RSRC1: variants seen among roughly 807,000 people sequenced by gnomAD.
The protein encoded by RSRC1 is arginine and serine rich coiled-coil 1, also known as serine/Arginine-related protein 53.
Under a neutral mutation model 49.1 loss-of-function variants are expected in RSRC1, and 39 were observed. That is an observed-to-expected ratio of 0.79 (90% CI 0.61 to 1.04). The LOEUF (loss-of-function observed/expected upper bound fraction) is 1.04, where lower values mean the gene tolerates loss of function less well. RSRC1 is among the 50% of genes least tolerant of loss of function. RSRC1 has a pLI of 0.00. For missense variants in RSRC1, 388 were observed against 402.4 expected (o/e 0.96, Z 0.31); for synonymous variants, 143 against 130.8 (o/e 1.09, Z -0.63).
At chr3:158,161,498 A>T (rs1449736692) in intron 3 of RSRC1, among the ~76,000 whole-genome samples, 1 of 152,208 alleles carries the variant, frequency 6.6e-6, no homozygotes. Context: ...GCTGTGGCTC[A>T]CGCCTGTAAT....
intron 4 of RSRC1, among the ~76,000 whole-genome samples, chr3:158,294,157 G>A (rs1169993379): frequency 6.6e-6 from 1 of 151,696 alleles, no homozygotes. Flanking sequence ...TTATATAGAT[G>A]TTAACACTTC....
At chr3:158,215,312 T>C (rs957556504) in intron 4 of RSRC1, among the ~76,000 whole-genome samples, 1 of 151,340 alleles carries the variant, frequency 6.6e-6, no homozygotes, top group Admixed American at 6.6e-5. Flanking sequence ...TTTTTTTTTT[T>C]TTTGGGTAAA....
chr3:158,428,953 C>T (rs1037570518), intron 6 of RSRC1, among the ~76,000 whole-genome samples: 1 of 151,818 alleles, frequency 6.6e-6, no homozygotes, highest in Non-Finnish European at 1.5e-5. Flanking sequence ...GGTCGAAAGG[C>T]AGGTGCACTA....
chr3:158,198,029 C>G (rs1720750096), intron 3 of RSRC1, among the ~76,000 whole-genome samples: 1 of 152,066 alleles, frequency 6.6e-6, no homozygotes. Context: ...GAGCTGAGTT[C>G]AATTCCTGGA....
intron 5 of RSRC1, among the ~76,000 whole-genome samples, chr3:158,318,043 G>A (rs928067504): frequency 6.6e-6 from 1 of 151,996 alleles, no homozygotes; most frequent in East Asian, 1.9e-4. Context: ...GTGTGTGTGT[G>A]TGTGTTTGTT....
At position 158,225,760 on chromosome 3, in the gene RSRC1, A is replaced by G. The variant is rs753669075; in HGVS notation, c.494+22515A>G. On this transcript the variant is annotated intron_variant, in intron 4 of 9. Transcript: ENST00000611884. ...TGAGTAAACCTATACAAGCCCTTAG[A>G]AACATTTTTACATTCAGTAGAACAT... 9 of 431,092 alleles carry G rather than the reference A, an allele frequency of 2.1e-5. 1 individual carries two copies. The highest frequency in any genetic ancestry group is 1.4e-4 in the South Asian group (8 of 58,338). The allele number at this position is 431,092 out of a possible 1,614,324, so 26.7% of individuals were successfully genotyped here.
chr3:158,518,140 A>ATTTTT (rs1553820473), intron 7 of RSRC1, among the ~76,000 whole-genome samples: 7 of 79,490 alleles, frequency 8.8e-5, no homozygotes, highest in Non-Finnish European at 1.1e-4. Flanking sequence ...ATATATATAT[A>ATTTTT]TATATATATT....
chr3:158,178,364 T>A (rs1177677191), intron 3 of RSRC1, among the ~76,000 whole-genome samples: 1 of 152,128 alleles, frequency 6.6e-6, no homozygotes, highest in Non-Finnish European at 1.5e-5. Context: ...GGTCTCAATC[T>A]CTGGCCTCAA....
rs151074752 is a variant in RSRC1, at chr3:158,246,001, G to A, written c.494+42756G>A. Among the ~76,000 whole-genome samples, 165 of 152,158 alleles carry A rather than the reference G, an allele frequency of 1.1e-3. 2 individuals are homozygous for A. The highest frequency in any genetic ancestry group is 3.9e-3 in the African/African-American group (160 of 41,512). On this transcript the variant is annotated intron_variant, in intron 4 of 9. Transcript: ENST00000611884. ...TTGATTCTGTATCCATCTTGCCATT[G>A]TGTGTCTTTCATTGGGGCATTTATA...
intron 3 of RSRC1, among the ~76,000 whole-genome samples, chr3:158,191,821 A>G (rs907579747): frequency 9.2e-5 from 14 of 151,950 alleles, no homozygotes; most frequent in Non-Finnish European, 5.9e-5. Context: ...AAATCTCTTT[A>G]CTCTGAACTT....
rs183749593 is a variant in RSRC1, at chr3:158,484,985, A to C, written c.652+23982A>C. On this transcript the variant is annotated intron_variant, in intron 7 of 9. Coordinates refer to ENST00000611884, the MANE Select transcript of RSRC1 (RefSeq NM_001271838.2). ...CTATTATATGAAAGCTAAATATTTA[A>C]CAAAATGTTTAACAAATCTAACCTG... 2.4e-3 allele frequency among the ~76,000 whole-genome samples: 359 copies of C among 152,256 alleles called. 3 individuals carry two copies. The highest frequency in any genetic ancestry group is 8.2e-3 in the African/African-American group (340 of 41,582).
At chr3:158,142,112 GAA>G (rs973758375) in intron 3 of RSRC1, among the ~76,000 whole-genome samples, 1 of 151,990 alleles carries the variant, frequency 6.6e-6, no homozygotes, top group African/African-American at 2.4e-5. Context: ...AAGAAAGAAA[GAA>G]AGAAAGAAAG....
intron 5 of RSRC1, among the ~76,000 whole-genome samples, chr3:158,341,320 C>A (rs911603286): frequency 6.6e-6 from 1 of 152,036 alleles, no homozygotes; most frequent in African/African-American, 2.4e-5. Context: ...AGAGACCCAG[C>A]AGGAAAAAGT....
intron 3 of RSRC1, among the ~76,000 whole-genome samples, chr3:158,200,401 G>A (rs992479875): frequency 6.6e-6 from 1 of 152,154 alleles, no homozygotes; most frequent in African/African-American, 2.4e-5. Flanking sequence ...TAGATAGCAT[G>A]TAGTTGTTGT....
intron 6 of RSRC1, among the ~76,000 whole-genome samples, chr3:158,359,221 T>C (rs1460212795): frequency 6.6e-6 from 1 of 152,200 alleles, no homozygotes; most frequent in Non-Finnish European, 1.5e-5. Context: ...CTATACCATA[T>C]CACACATTTA....
intron 4 of RSRC1, among the ~76,000 whole-genome samples, chr3:158,255,640 A>T (rs1057107903): frequency 6.6e-6 from 1 of 152,196 alleles, no homozygotes; most frequent in Non-Finnish European, 1.5e-5. Flanking sequence ...CATTGAATCT[A>T]TAAATTACCT....
chr3:158,301,037 G>A (rs921118419), intron 5 of RSRC1, among the ~76,000 whole-genome samples: 1 of 152,046 alleles, frequency 6.6e-6, no homozygotes, highest in African/African-American at 2.4e-5. Context: ...CTTTACTTAA[G>A]TTTTTTACAG....
chr3:158,297,819 T>A (rs980704344), intron 4 of RSRC1, among the ~76,000 whole-genome samples: 3 of 151,980 alleles, frequency 2.0e-5, no homozygotes, highest in African/African-American at 7.2e-5. Context: ...CTTTGAAAAA[T>A]CTGAAACTTT....
chr3:158,166,575 G>C lies in RSRC1; in HGVS notation c.321-36497G>C, dbSNP rs1718553190. On this transcript the variant is annotated intron_variant, in intron 3 of 9. Coordinates refer to ENST00000611884, the MANE Select transcript of RSRC1 (RefSeq NM_001271838.2). ...AAATTATTTATGCAGAATATTTTAA[G>C]GTATTGCCAACTTTATTGAAACTAG... Among the ~76,000 whole-genome samples, 3 of 152,140 alleles carry C rather than the reference G, an allele frequency of 2.0e-5. No individual in the cohort carries two copies. In the South Asian group the frequency reaches 6.2e-4, roughly 32 times the overall value.
Sources: allele counts gnomAD v4.1 joint callset (sites outside exome capture counted in the v4.1 genomes callset), GRCh38; gene constraint gnomAD v4.1.1; transcripts MANE v1.5; gene names NCBI Gene and HGNC (gene_info 2026-07-23, HGNC 2026-07-21).